PTPRD: variants seen among roughly 807,000 people sequenced by gnomAD.
PTPRD encodes the protein protein tyrosine phosphatase receptor type D, also known as receptor-type tyrosine-protein phosphatase delta.
In PTPRD, 34 loss-of-function variants were observed where a neutral mutation model predicts 214.5. That is an observed-to-expected ratio of 0.16 (90% CI 0.12 to 0.21). The LOEUF is 0.21. Ranked by LOEUF, PTPRD falls within the 10% of genes least tolerant of loss-of-function variation. The pLI, the probability that PTPRD is intolerant of heterozygous loss-of-function variation, is 1.00. For synonymous variants in PTPRD, 1,128 were observed against 845.7 expected (o/e 1.33, Z -5.79); for missense variants, 2,545 against 2,398.7 (o/e 1.06, Z -1.27).
chr9:9,362,267 A>C (rs1250553578), intron 9 of PTPRD, among the ~76,000 whole-genome samples: 2 of 151,188 alleles, frequency 1.3e-5, no homozygotes, highest in African/African-American at 4.8e-5. Context: ...TGACTTTTTG[A>C]GAAATAGTAG....
At position 8,984,113 on chromosome 9, in the gene PTPRD, AT is replaced by A. The variant is rs1454622264; in HGVS notation, c.-104+34583del. ...CTACATGTGTATATTGGAAGAGCCT[AT>A]TTTTTAAGTCCTAATTGCAGTGACA... On this transcript the variant is annotated intron_variant, in intron 11 of 45. Transcript: ENST00000381196. Among the ~76,000 whole-genome samples the A allele has an allele frequency of 6.6e-5, 10 of 152,182 alleles. No individual in the cohort carries two copies. The East Asian group carries it at 1.9e-3, about 29-fold the overall frequency.
At chr9:8,672,017 C>G (rs2097297950) in intron 12 of PTPRD, among the ~76,000 whole-genome samples, 1 of 152,148 alleles carries the variant, frequency 6.6e-6, no homozygotes, top group Non-Finnish European at 1.5e-5. Flanking sequence ...TGTTTTCATT[C>G]ACAAGTTTTC....
intron 12 of PTPRD, among the ~76,000 whole-genome samples, chr9:8,672,552 T>G (rs1267220457): frequency 3.3e-5 from 5 of 152,142 alleles, no homozygotes; most frequent in Non-Finnish European, 5.9e-5. Flanking sequence ...TTCTTATAAT[T>G]ACTCATTAAT....
chr9:8,315,232 G>A lies in PTPRD; in HGVS notation c.*2642C>T. On this transcript the variant is annotated 3_prime_UTR_variant, in exon 46 of 46. Transcript: ENST00000381196. ...TAGTTCTAGGAACAGCTCCTGAACA[G>A]TAAGATTCCCGCAATAGTCTCCGCC... 4.3e-6 allele frequency: 1 copy of A among 232,756 alleles called. No homozygotes were observed. Among genetic ancestry groups the A allele is most frequent in the Non-Finnish European group, 8.5e-6 (1 of 117,424 alleles). The allele number at this position is 232,756 out of a possible 1,614,324, so 14.4% of individuals were successfully genotyped here. A position where few individuals can be genotyped will look rare whatever the true frequency, so the allele number is the denominator to read the frequency against.
In PTPRD at chr9:9,312,636, T is replaced by C. The variant is rs114127457; in HGVS notation, c.-203+84813A>G. Among the ~76,000 whole-genome samples, 1,208 of 152,252 alleles carry C rather than the reference T, an allele frequency of 7.9e-3. 13 individuals carry two copies. Among genetic ancestry groups the C allele is most frequent in the African/African-American group, 0.028 (1,151 of 41,538 alleles). ...ATGTGGGTGTGAGTACACCCTGTGA[T>C]GGGATGTCATTTTGTCCCAGGTGGG... On this transcript the variant is annotated intron_variant, in intron 9 of 45. Coordinates refer to ENST00000381196, the MANE Select transcript of PTPRD (RefSeq NM_002839.4).
Position 8,489,981 on chromosome 9 carries a change from AG to A in PTPRD, c.2467+2880del, listed in dbSNP as rs1292753671. Among the ~76,000 whole-genome samples, 10 of 152,320 alleles carry A rather than the reference AG, an allele frequency of 6.6e-5. No individual in the cohort carries two copies. The East Asian group carries it at 1.9e-3, about 29-fold the overall frequency. On this transcript the variant is annotated intron_variant, in intron 27 of 45. Transcript: ENST00000381196. ...GCATATTCTAGTTGGGAAAATAATC[AG>A]GTGGAATAGATTGTGCAATCTGTGG...
At chr9:10,474,528 C>T (rs1488277160) in intron 2 of PTPRD, among the ~76,000 whole-genome samples, 4 of 152,064 alleles carry the variant, frequency 2.6e-5, no homozygotes, top group African/African-American at 9.7e-5. Flanking sequence ...TGGACTCCCA[C>T]ACAATAATAG....
chr9:9,553,385 A>C (rs1569569219), intron 8 of PTPRD, among the ~76,000 whole-genome samples: 1 of 152,082 alleles, frequency 6.6e-6, no homozygotes, highest in Non-Finnish European at 1.5e-5. Context: ...TACAAACCTA[A>C]TCACTTAATC....
At chr9:8,466,075 C>A (rs777220034) in intron 31 of PTPRD, among the ~76,000 whole-genome samples, 1 of 151,912 alleles carries the variant, frequency 6.6e-6, no homozygotes, top group African/African-American at 2.4e-5. Flanking sequence ...ACAAAGCCAT[C>A]TAAATCTTTA....
At chr9:9,668,491 GTTGA>G (rs1240348578) in intron 7 of PTPRD, among the ~76,000 whole-genome samples, 7 of 152,132 alleles carry the variant, frequency 4.6e-5, no homozygotes, top group African/African-American at 1.4e-4. Flanking sequence ...TTAGTACATT[GTTGA>G]TTTTTTCTTC....
intron 10 of PTPRD, among the ~76,000 whole-genome samples, chr9:9,038,901 G>A (rs1034227196): frequency 6.6e-6 from 1 of 151,988 alleles, no homozygotes; most frequent in Non-Finnish European, 1.5e-5. Flanking sequence ...CTCCCAGGAA[G>A]GTTTTTTGTT....
intron 8 of PTPRD, among the ~76,000 whole-genome samples, chr9:9,514,086 G>A (rs975694532): frequency 6.6e-6 from 1 of 152,006 alleles, no homozygotes; most frequent in Non-Finnish European, 1.5e-5. Context: ...CCTTGTTTTT[G>A]TGCTTTGAAC....
intron 11 of PTPRD, among the ~76,000 whole-genome samples, chr9:8,793,371 A>C (rs1251984683): frequency 6.6e-6 from 1 of 152,196 alleles, no homozygotes; most frequent in Non-Finnish European, 1.5e-5. Context: ...CTTGTCAACA[A>C]ACTTCCATCT....
intron 26 of PTPRD, among the ~76,000 whole-genome samples, chr9:8,493,808 T>C (rs2097197847): frequency 6.6e-6 from 1 of 152,184 alleles, no homozygotes; most frequent in African/African-American, 2.4e-5. Context: ...AGTTTTCTCT[T>C]AGTCAGGGCC....
At chr9:9,950,722 CAAAAAAAAAAAAAAAAAAAA>C (rs922771507) in intron 4 of PTPRD, among the ~76,000 whole-genome samples, 3 of 2,662 alleles carry the variant, frequency 1.1e-3, no homozygotes, top group Non-Finnish European at 1.4e-3. Flanking sequence ...GACTCCGTCT[CAAAAAAAAAAAAAAAAAAAA>C]AAAAAAAAAA....
At chr9:8,772,499 A>C (rs1162389090) in intron 11 of PTPRD, among the ~76,000 whole-genome samples, 2 of 152,094 alleles carry the variant, frequency 1.3e-5, no homozygotes, top group East Asian at 1.9e-4. Flanking sequence ...AAATTGAAAA[A>C]TCAGCTTGGT....
At chr9:8,332,034 C>A (rs573221003) in intron 43 of PTPRD, among the ~76,000 whole-genome samples, 143 of 152,250 alleles carry the variant, frequency 9.4e-4, no homozygotes, top group African/African-American at 2.8e-3. Context: ...CCCCCATTAA[C>A]AAATGTTTCT....
chr9:8,369,333 C>G (rs2080848650), intron 39 of PTPRD, among the ~76,000 whole-genome samples: 1 of 151,994 alleles, frequency 6.6e-6, no homozygotes, highest in Admixed American at 6.6e-5. Flanking sequence ...TTGGGTTGGG[C>G]TTAGGGGTAC....
At chr9:10,038,793 A>G (rs769388639) in intron 3 of PTPRD, among the ~76,000 whole-genome samples, 6 of 152,044 alleles carry the variant, frequency 3.9e-5, no homozygotes, top group Non-Finnish European at 8.8e-5. Flanking sequence ...TCTCTAGATT[A>G]TGGGTATAAA....
Sources: gnomAD v4.1 joint callset for allele counts (sites outside exome capture counted in the v4.1 genomes callset) on GRCh38, gnomAD v4.1.1 for gene constraint, MANE v1.5 for transcripts, NCBI Gene and HGNC (gene_info 2026-07-23, HGNC 2026-07-21) for gene names.